EPSTI1: variants seen among roughly 807,000 people sequenced by gnomAD.
The protein encoded by EPSTI1 is epithelial-stromal interaction protein 1.
A neutral mutation model predicts 49.9 loss-of-function variants in EPSTI1; 66 were observed. That is an observed-to-expected ratio of 1.32 (90% confidence interval 1.08 to 1.62). The LOEUF is 1.62. Ranked by LOEUF, EPSTI1 falls within the 40% of genes most tolerant of loss-of-function variation. The pLI is 0.00. For synonymous variants in EPSTI1, 137 were observed against 130.7 expected, an observed-to-expected ratio of 1.05 and a Z score of -0.33; for missense variants, 394 against 365.5, an observed-to-expected ratio of 1.08 and a Z score of -0.64.
At chr13:42,938,725 C>T (rs1263137998) in intron 6 of EPSTI1, among the ~76,000 whole-genome samples, 2 of 151,684 alleles carry the variant, frequency 1.3e-5, no homozygotes, top group Non-Finnish European at 2.9e-5. Flanking sequence ...ACAAGCCTGG[C>T]CAACATGGTG....
chr13:42,900,115 TG>T (rs1278577899), intron 9 of EPSTI1, among the ~76,000 whole-genome samples, 194 bp downstream of exon 9: 1 of 152,244 alleles, frequency 6.6e-6, no homozygotes, highest in Non-Finnish European at 1.5e-5. Context: ...CATGCACATA[TG>T]TACACACGTG....
intron 7 of EPSTI1, among the ~76,000 whole-genome samples, chr13:42,919,648 G>C (rs985448217): frequency 1.3e-5 from 2 of 152,180 alleles, no homozygotes; most frequent in African/African-American, 4.8e-5. Context: ...AATGGTTACA[G>C]TACAGCATGA....
At chr13:42,907,073 C>T (rs1290425797) in intron 8 of EPSTI1, among the ~76,000 whole-genome samples, 1 of 152,124 alleles carries the variant, frequency 6.6e-6, no homozygotes, top group African/African-American at 2.4e-5. Flanking sequence ...TATAACAGAA[C>T]ATCAAAACAT....
intron 4 of EPSTI1, chr13:42,963,641 GA>G: frequency 3.0e-6 from 1 of 333,636 alleles, no homozygotes. Flanking sequence ...ATTGGGGAGG[GA>G]AAAGGGAAAA....
chr13:42,960,341 C>A (rs538908039), intron 5 of EPSTI1, among the ~76,000 whole-genome samples: 2 of 152,084 alleles, frequency 1.3e-5, no homozygotes, highest in African/African-American at 4.8e-5. Flanking sequence ...GTGATTTACT[C>A]CCATAGCACT....
chr13:42,920,026 C>T (rs932933271), intron 7 of EPSTI1, among the ~76,000 whole-genome samples: 9 of 152,198 alleles, frequency 5.9e-5, no homozygotes, highest in Admixed American at 4.6e-4. Flanking sequence ...CATCTCTTCA[C>T]ATCATCTCCC....
chr13:42,893,302 A>G (rs2037092743), intron 10 of EPSTI1, among the ~76,000 whole-genome samples: 1 of 152,170 alleles, frequency 6.6e-6, no homozygotes, highest in Non-Finnish European at 1.5e-5. Flanking sequence ...GAGAGGAGAG[A>G]GTATTATTAG....
At chr13:42,963,551 G>C in intron 4 of EPSTI1, 1 of 560,064 alleles carries the variant, frequency 1.8e-6, no homozygotes, top group African/African-American at 1.9e-5. Flanking sequence ...TTTCTTCCTT[G>C]GTCTGTCTCT....
intron 6 of EPSTI1, among the ~76,000 whole-genome samples, chr13:42,928,064 A>G (rs3803250): frequency 0.14 from 21,959 of 152,184 alleles, 1,638 homozygotes; most frequent in South Asian, 0.23. Context: ...CTGCCTGCAG[A>G]GCCAGCCTCT....
chr13:42,896,742 T>C (rs1308464565), intron 9 of EPSTI1, among the ~76,000 whole-genome samples: 3 of 152,268 alleles, frequency 2.0e-5, no homozygotes, highest in South Asian at 2.1e-4. Context: ...TTATAAAAGG[T>C]TGTGTTATCT....
At chr13:42,956,486 T>C (rs527648650) in intron 5 of EPSTI1, among the ~76,000 whole-genome samples, 2 of 152,316 alleles carry the variant, frequency 1.3e-5, no homozygotes, top group Admixed American at 1.3e-4. Flanking sequence ...GTTCAGCCCA[T>C]GGGGTCCCAG....
intron 5 of EPSTI1, among the ~76,000 whole-genome samples, chr13:42,958,126 A>T (rs2039330294): frequency 6.6e-6 from 1 of 152,230 alleles, no homozygotes; most frequent in South Asian, 2.1e-4. Flanking sequence ...GAACCAGAGA[A>T]GCATTAGAAA....
At chr13:42,903,620 T>C (rs1252791619) in intron 8 of EPSTI1, among the ~76,000 whole-genome samples, 1 of 152,226 alleles carries the variant, frequency 6.6e-6, no homozygotes, top group Non-Finnish European at 1.5e-5. Flanking sequence ...ACATGATACA[T>C]ATGGAAATGT....
chr13:42,957,912 A>T (rs1346060861), intron 5 of EPSTI1, among the ~76,000 whole-genome samples: 2 of 152,228 alleles, frequency 1.3e-5, no homozygotes, highest in African/African-American at 4.8e-5. Context: ...ATAAGTGAGG[A>T]ATTTAAGAAT....
At position 42,922,691 on chromosome 13, in the gene EPSTI1, G is replaced by A. The variant is rs116264070; in HGVS notation, c.657+3645C>T. On this transcript the variant is annotated intron_variant, in intron 7 of 10. Transcript: ENST00000313624. This position sits in a 1 kb window ranked among gnomAD's most constrained non-coding sequence, Gnocchi z 4.8. ...GTTGCGGTGGAAGTGGGATTCAAGC[G>A]GCGCAAAGGGACACATGTTAAGTAC... Among the ~76,000 whole-genome samples the A allele has an allele frequency of 8.4e-3, 1,274 of 152,228 alleles. 21 individuals carry two copies. Among genetic ancestry groups the A allele is most frequent in the African/African-American group, 0.028 (1,161 of 41,536 alleles).
Position 42,953,980 on chromosome 13 carries a change from A to G in EPSTI1, c.531T>C (p.Leu177=), listed in dbSNP as rs1176006020. ...LEEKKRLQEN[L]RREAFREHQQ... ...GATGCTCTCTAAATGCTTCTCTTCT[A>G]AGGTTTTCTTGAAGTCTTTTTTTCT... is the stretch of plus-strand genomic sequence containing the variant. The change falls in exon 6 of 11, where the codon CTT becomes CTC. Residue 177 remains leucine (L), a synonymous_variant. Transcript: ENST00000313624. 6.2e-7 allele frequency: 1 copy of G among 1,612,912 alleles called. No individual in the cohort carries two copies. The highest frequency in any genetic ancestry group is 1.3e-5 in the African/African-American group (1 of 74,894).
Position 42,969,188 on chromosome 13 carries a change from C to T in EPSTI1, c.248-11G>A, listed in dbSNP as rs753763689. On this transcript the variant is annotated splice_polypyrimidine_tract_variant and intron_variant, in intron 2 of 10. Coordinates refer to ENST00000313624, the MANE Select transcript of EPSTI1 (RefSeq NM_033255.5). ...GCTCCTGCTCCGCAACTAAGCCAGG[C>T]GAGAAATATCAAATCGTCAATTATT... 49 of 1,612,662 alleles carry T rather than the reference C, an allele frequency of 3.0e-5. No individual in the cohort carries two copies. Among genetic ancestry groups the T allele is most frequent in the Non-Finnish European group, 3.7e-5 (44 of 1,179,654 alleles).
At chr13:42,969,204 G>A (rs1594748915) in intron 2 of EPSTI1, 27 bp from the exon 3 acceptor site, 4 of 1,607,294 alleles carry the variant, frequency 2.5e-6, no homozygotes, top group South Asian at 1.1e-5. Flanking sequence ...ATATCAAATC[G>A]TCAATTATTA....
chr13:42,954,848 T>C (rs1467966062), intron 5 of EPSTI1, among the ~76,000 whole-genome samples: 1 of 152,192 alleles, frequency 6.6e-6, no homozygotes, highest in East Asian at 1.9e-4. Flanking sequence ...AGTAAGGAGC[T>C]GGGGTTGCTT....
Sources: allele counts gnomAD v4.1 joint callset (sites outside exome capture counted in the v4.1 genomes callset), GRCh38; gene constraint gnomAD v4.1.1; non-coding constraint Gnocchi (gnomAD v3.1); transcripts MANE v1.5; gene names NCBI Gene and HGNC (gene_info 2026-07-23, HGNC 2026-07-21).